HERPUD2: variants seen among roughly 807,000 people sequenced by gnomAD.
HERPUD2 encodes the protein homocysteine-responsive endoplasmic reticulum-resident ubiquitin-like domain member 2 protein.
In HERPUD2, 13 loss-of-function variants were observed where a neutral mutation model predicts 49.9. That is an observed-to-expected ratio of 0.26 (90% confidence interval 0.17 to 0.41). The LOEUF (loss-of-function observed/expected upper bound fraction) is 0.41, where lower values mean the gene tolerates loss of function less well. HERPUD2 is among the 10% of genes least tolerant of loss of function. HERPUD2 has a pLI of 1.00. For synonymous variants in HERPUD2, 172 were observed against 171.4 expected, an observed-to-expected ratio of 1.00 and a Z score of -0.03; for missense variants, 449 against 492.2, an observed-to-expected ratio of 0.91 and a Z score of 0.83.
intron 2 of HERPUD2, among the ~76,000 whole-genome samples, chr7:35,674,402 TATAGAGAGAGAGAGAG>T (rs1474802151): frequency 1.0e-3 from 56 of 54,414 alleles, no homozygotes; most frequent in East Asian, 6.0e-3. Flanking sequence ...TATATATATA[TATAGAGAGAGAGAGAG>T]AGAGAGAGAG....
At position 35,635,436 on chromosome 7, in the gene HERPUD2, C is replaced by A; in HGVS notation, c.640G>T (p.Ala214Ser). The change falls in exon 7 of 9, where the codon GCC becomes TCC. Residue 214 changes from alanine (A) to serine (S), a missense_variant. By Grantham distance (99) the Ala-to-Ser change is moderately conservative. Transcript: ENST00000311350. ...MQYQAAVSAQ[A>S]TSNVNPTQPT... is the part of the protein sequence containing the mutation. ...TGGGTTGGGTTGACATTTGATGTGGCCTGAGCTGAAACTGCAGCTTGACTG... is the reference window on the plus strand; with the variant it reads ...TGGGTTGGGTTGACATTTGATGTGGACTGAGCTGAAACTGCAGCTTGACTG... 1 of 1,612,502 alleles carries A rather than the reference C, an allele frequency of 6.2e-7. No individual in the cohort carries two copies. The highest frequency in any genetic ancestry group is 8.5e-7 in the Non-Finnish European group (1 of 1,178,754).
chr7:35,674,379 C>CTATATGTA (rs1785705278), intron 2 of HERPUD2, among the ~76,000 whole-genome samples: 1 of 42,968 alleles, frequency 2.3e-5, no homozygotes. Context: ...GTCTTACAAC[C>CTATATGTA]TATATATATA....
intron 2 of HERPUD2, among the ~76,000 whole-genome samples, chr7:35,682,250 CGTGTGTGTGTGT>C (rs1785909307): frequency 3.3e-4 from 22 of 67,470 alleles, no homozygotes; most frequent in African/African-American, 1.5e-3. Flanking sequence ...CACATACACA[CGTGTGTGTGTGT>C]ATATATAGAT....
chr7:35,691,167 C>CA (rs896197683), intron 2 of HERPUD2, among the ~76,000 whole-genome samples: 13 of 152,050 alleles, frequency 8.5e-5, no homozygotes, highest in South Asian at 4.1e-4. Flanking sequence ...AATGAAGACC[C>CA]AAAAAAATGT....
intron 5 of HERPUD2, among the ~76,000 whole-genome samples, chr7:35,666,919 T>G (rs920353671): frequency 2.0e-5 from 3 of 152,236 alleles, no homozygotes; most frequent in African/African-American, 7.2e-5. Flanking sequence ...CCAAGTTGAT[T>G]AGAAACACTT....
At chr7:35,679,525 G>A (rs567314346) in intron 2 of HERPUD2, among the ~76,000 whole-genome samples, 16 of 152,260 alleles carry the variant, frequency 1.1e-4, no homozygotes, top group African/African-American at 2.6e-4. Context: ...GACAGACACC[G>A]CAGCCTTTAT....
intron 5 of HERPUD2, among the ~76,000 whole-genome samples, chr7:35,660,681 G>C (rs1432547341): frequency 1.3e-5 from 2 of 152,164 alleles, no homozygotes; most frequent in Admixed American, 1.3e-4. Flanking sequence ...GTCTTCTTTT[G>C]AGAAGTGCCT....
In HERPUD2 at chr7:35,637,194, GATA is replaced by G. The variant is rs1372584522; in HGVS notation, c.617+1153_617+1155del. ...AGATAGATAGATAGATAGATAGATAGATAGATAGATAAAAGAAATGTAACCCAG... is the reference window on the plus strand; with the variant it reads ...AGATAGATAGATAGATAGATAGATAGGATAGATAAAAGAAATGTAACCCAG... On this transcript the variant is annotated intron_variant, in intron 6 of 8. Transcript: ENST00000311350. 2.7e-3 allele frequency among the ~76,000 whole-genome samples: 403 copies of G among 151,264 alleles called. 1 individual carries two copies. The highest frequency in any genetic ancestry group is 9.3e-3 in the African/African-American group (379 of 40,780).
intron 3 of HERPUD2, among the ~76,000 whole-genome samples, chr7:35,671,037 A>G (rs776272293): frequency 3.3e-5 from 5 of 152,106 alleles, no homozygotes; most frequent in Non-Finnish European, 5.9e-5. Flanking sequence ...GAGAACAATG[A>G]AGGATGAGTC....
rs914225944 is a variant in HERPUD2, at chr7:35,694,558, C to G, written c.-228G>C. ...GGGTCTGGGTGCCCGGCCGTGGAGG[C>G]AGCTCTCCCCGCCAGGTCCGGGCTC... On this transcript the variant is annotated 5_prime_UTR_variant, in exon 2 of 9. Coordinates refer to ENST00000311350, the MANE Select transcript of HERPUD2 (RefSeq NM_022373.5). The G allele has an allele frequency of 1.6e-5, 9 of 553,912 alleles. No homozygotes were observed. The African/African-American group carries it at 1.7e-4, about 10-fold the overall frequency. The allele number at this position is 553,912 out of a possible 1,614,324, so 34.3% of individuals were successfully genotyped here.
Position 35,635,359 on chromosome 7 carries a change from G to A in HERPUD2, c.717C>T (p.Pro239=), listed in dbSNP as rs772577226. The change falls in exon 7 of 9, where the codon CCC becomes CCT. Residue 239 remains proline (P), a synonymous_variant. Coordinates refer to ENST00000311350, the MANE Select transcript of HERPUD2 (RefSeq NM_022373.5). ...LNLAHVPGEE[P]PPAPNLVAQE... ...GGGCCACTAGGTTTGGAGCTGGTGG[G>A]GGTTCTTCTCCAGGAACATGTGCCA... 14 of 1,613,874 alleles carry A rather than the reference G, an allele frequency of 8.7e-6. No individual in the cohort carries two copies. Among genetic ancestry groups the A allele is most frequent in the Non-Finnish European group, 1.0e-5 (12 of 1,179,974 alleles).
chr7:35,670,782 T>C (rs1301486273), intron 3 of HERPUD2, among the ~76,000 whole-genome samples: 1 of 152,128 alleles, frequency 6.6e-6, no homozygotes, highest in East Asian at 1.9e-4. Context: ...TTTTACTCTT[T>C]TTTTCAGTCA....
chr7:35,646,284 G>A (rs889580423), intron 5 of HERPUD2, among the ~76,000 whole-genome samples: 1 of 152,102 alleles, frequency 6.6e-6, no homozygotes, highest in African/African-American at 2.4e-5. Context: ...ATAATGAGCT[G>A]GGCACAGTGG....
At chr7:35,689,866 C>CTTT (rs1481027000) in intron 2 of HERPUD2, among the ~76,000 whole-genome samples, 1 of 152,096 alleles carries the variant, frequency 6.6e-6, no homozygotes, top group Non-Finnish European at 1.5e-5. Flanking sequence ...AAAGGTTTGC[C>CTTT]TTCAAAACTG....
Position 35,686,592 on chromosome 7 carries a change from G to A in HERPUD2, c.147+7592C>T, listed in dbSNP as rs1481662610. Among the ~76,000 whole-genome samples the A allele has an allele frequency of 1.1e-4, 15 of 137,630 alleles. No homozygotes were observed. The East Asian group carries it at 2.3e-3, about 21-fold the overall frequency. 90.3% of individuals were successfully genotyped at this position (137,630 alleles called of 152,430 possible). Reference sequence around the variant, plus strand: ...AAATTAGCCGGGCGTAGTGGCGGGCGCCTGTAGTCCCAGCTACTTGGGAGG... The same window carrying A: ...AAATTAGCCGGGCGTAGTGGCGGGCACCTGTAGTCCCAGCTACTTGGGAGG... On this transcript the variant is annotated intron_variant, in intron 2 of 8. Coordinates refer to ENST00000311350, the MANE Select transcript of HERPUD2 (RefSeq NM_022373.5).
chr7:35,658,412 A>G (rs888384141), intron 5 of HERPUD2, among the ~76,000 whole-genome samples: 1 of 152,168 alleles, frequency 6.6e-6, no homozygotes, highest in Non-Finnish European at 1.5e-5. Context: ...TAGGCTGACT[A>G]TAGTTAGCAA....
In HERPUD2 at chr7:35,682,349, GTGTGTGTGTATATATATA is replaced by G. The variant is rs1785926643; in HGVS notation, c.148-9089_148-9072del. Among the ~76,000 whole-genome samples the G allele has an allele frequency of 1.2e-3, 48 of 41,722 alleles. 1 individual carries two copies. The highest frequency in any genetic ancestry group is 1.5e-3 in the African/African-American group (14 of 9,408). The allele number at this position is 41,722 out of a possible 152,430, so 27.4% of individuals were successfully genotyped here. A position where few individuals can be genotyped will look rare whatever the true frequency, so the allele number is the denominator to read the frequency against. On this transcript the variant is annotated intron_variant, in intron 2 of 8. Coordinates refer to ENST00000311350, the MANE Select transcript of HERPUD2 (RefSeq NM_022373.5). ...CACGTGTGTGTGTGTGTGTGTGTGT[GTGTGTGTGTATATATATA>G]TATATATATATATATATATACTTAA... is the stretch of plus-strand genomic sequence containing the variant.
At chr7:35,638,324 TA>T in intron 6 of HERPUD2, 25 bp downstream of exon 6, 2 of 1,561,680 alleles carry the variant, frequency 1.3e-6, no homozygotes, top group South Asian at 1.2e-5. Flanking sequence ...CTGAGTAACT[TA>T]AAAAATGAAC....
At chr7:35,674,403 AT>A (rs1200308094) in intron 2 of HERPUD2, among the ~76,000 whole-genome samples, 2 of 53,950 alleles carry the variant, frequency 3.7e-5, no homozygotes. Context: ...ATATATATAT[AT>A]AGAGAGAGAG....
Sources: gnomAD v4.1 joint callset for allele counts (sites outside exome capture counted in the v4.1 genomes callset) on GRCh38, gnomAD v4.1.1 for gene constraint, MANE v1.5 for transcripts, NCBI Gene and HGNC (gene_info 2026-07-23, HGNC 2026-07-21) for gene names.